The following KDM6A variants were observed in gnomAD, a reference collection of about 807,000 sequenced individuals.
The protein encoded by KDM6A is lysine demethylase 6A.
Under a neutral mutation model 117.6 loss-of-function variants are expected in KDM6A, and 11 were observed. The observed-to-expected ratio is 0.09, with a 90% CI of 0.06 to 0.15. The LOEUF is 0.15. Among genes scored for constraint, KDM6A ranks in the 10% least tolerant of loss-of-function variants. The probability of loss-of-function intolerance (pLI) is 1.00; values close to 1 mark genes in which losing one functional copy is unlikely to be tolerated. For missense variants in KDM6A, 799 were observed against 1,077.3 expected, an observed-to-expected ratio of 0.74 and a Z score of 3.62; for synonymous variants, 384 against 396.1, an observed-to-expected ratio of 0.97 and a Z score of 0.36.
chrX:45,012,732 A>G (rs1164217845), intron 5 of KDM6A, among the ~76,000 whole-genome samples: 1 of 111,460 alleles, frequency 9.0e-6, no homozygotes, highest in Non-Finnish European at 1.9e-5. Context: ...TTATACATGG[A>G]TGGTTTTTCC....
intron 1 of KDM6A, 32 bp downstream of exon 1, chrX:44,873,744 C>T (rs1601996137): frequency 2.6e-6 from 3 of 1,161,797 alleles, no homozygotes; most frequent in Non-Finnish European, 3.5e-6. Context: ...CCGGTCGGCT[C>T]CGGACGGGCA....
chrX:45,047,674 C>CTTTTTTTTTT (rs78749806), intron 8 of KDM6A, among the ~76,000 whole-genome samples: 1,222 of 36,337 alleles, frequency 0.034, 437 homozygotes, highest in Middle Eastern at 0.057. Context: ...CTTTTTTTTT[C>CTTTTTTTTTT]TTTTTTTTTT....
chrX:45,106,661 GAGCA>G, intron 27 of KDM6A: 1 of 338,595 alleles, frequency 3.0e-6, no homozygotes. Context: ...TAAGATAATT[GAGCA>G]AACAACTCCA....
At position 45,083,525 on chromosome X, in the gene KDM6A, A is replaced by G; in HGVS notation, c.3506A>G (p.Asn1169Ser). 1 of 1,208,983 alleles carries G rather than the reference A, an allele frequency of 8.3e-7. No homozygotes were observed. The highest frequency in any genetic ancestry group is 1.1e-6 in the Non-Finnish European group (1 of 893,048). The change falls in exon 24 of 30, where the codon AAT becomes AGT. Residue 1169 changes from asparagine to serine, a missense_variant. This residue lies in a region of KDM6A where 291 missense variants were observed against 437.9 expected (regional missense o/e 0.66). Coordinates refer to ENST00000611820, the MANE Select transcript of KDM6A (RefSeq NM_001291415.2). ...PAFVRVVSAGNLLSHVGHTIL... is the reference protein window; with the variant it reads ...PAFVRVVSAGSLLSHVGHTIL... ...TTTGTGCGTGTCGTATCAGCAGGAA[A>G]TCTTCTAAGCCATGTTGGTCATACC...
At chrX:45,076,380 G>A (rs1473047878) in intron 18 of KDM6A, among the ~76,000 whole-genome samples, 1 of 111,478 alleles carries the variant, frequency 9.0e-6, no homozygotes, top group Non-Finnish European at 1.9e-5. Context: ...TGTGATGGTA[G>A]AGAGGAAATT....
intron 3 of KDM6A, among the ~76,000 whole-genome samples, chrX:44,963,546 A>G (rs1201835288): frequency 3.1e-5 from 3 of 95,786 alleles, no homozygotes; most frequent in Non-Finnish European, 6.3e-5. Context: ...TCTTTTTTAA[A>G]GAAACTACTT....
At chrX:44,880,694 A>G (rs771607216) in intron 2 of KDM6A, among the ~76,000 whole-genome samples, 109 of 110,164 alleles carry the variant, frequency 9.9e-4, no homozygotes, top group African/African-American at 3.3e-3. Context: ...TGGGAGGCTG[A>G]GGCAGGAGAA....
chrX:45,063,830 C>T lies in KDM6A; in HGVS notation c.2079+13C>T, dbSNP rs1464293360. Reference sequence around the variant, plus strand: ...TAACTCCACTCAGGTAATAGGAGGACTAGCTTCCTTGTTGGCTTTTCACAT... The same window carrying T: ...TAACTCCACTCAGGTAATAGGAGGATTAGCTTCCTTGTTGGCTTTTCACAT... On this transcript the variant is annotated intron_variant, in intron 17 of 29. Transcript: ENST00000611820. 1 of 1,178,360 alleles carries T rather than the reference C, an allele frequency of 8.5e-7. No individual in the cohort carries two copies. The highest frequency in any genetic ancestry group is 1.1e-6 in the Non-Finnish European group (1 of 874,153).
intron 2 of KDM6A, among the ~76,000 whole-genome samples, chrX:44,942,259 T>C (rs927731201): frequency 1.8e-5 from 2 of 110,907 alleles, no homozygotes; most frequent in African/African-American, 6.6e-5. Flanking sequence ...GGTCTTGATC[T>C]CTTGACCTCG....
At chrX:44,997,279 G>T (rs773441908) in intron 4 of KDM6A, among the ~76,000 whole-genome samples, 1 of 112,229 alleles carries the variant, frequency 8.9e-6, no homozygotes, top group African/African-American at 3.2e-5. Context: ...TTATTGAGTG[G>T]AAAGTAGCTT....
At chrX:44,956,283 T>C (rs1395057898) in intron 2 of KDM6A, among the ~76,000 whole-genome samples, 1 of 112,307 alleles carries the variant, frequency 8.9e-6, no homozygotes, top group East Asian at 2.8e-4. Context: ...CTGATCAGAC[T>C]AGACCTTGGT....
chrX:45,072,866 AAT>A (rs35510523), intron 18 of KDM6A, among the ~76,000 whole-genome samples: 4,923 of 105,379 alleles, frequency 0.047, 314 homozygotes, highest in African/African-American at 0.16. Flanking sequence ...AAAATATAAT[AAT>A]ATATATATAT....
rs2030998052 is a variant in KDM6A at position 44,873,251 on chromosome X, AG to A, written c.-300del. On this transcript the variant is annotated 5_prime_UTR_variant, in exon 1 of 30. Transcript: ENST00000611820. ...CCAACGAATCCCCTCAGTGCTCCCCAGCCCCGCGCGCTCCGGCCGTTCCCGC... is the reference window on the plus strand; with the variant it reads ...CCAACGAATCCCCTCAGTGCTCCCCACCCCGCGCGCTCCGGCCGTTCCCGC... 1 of 333,907 alleles carries A rather than the reference AG, an allele frequency of 3.0e-6. No individual in the cohort carries two copies. The highest frequency in any genetic ancestry group is 5.1e-6 in the Non-Finnish European group (1 of 194,770). The allele number at this position is 333,907 out of a possible 1,213,427, so 27.5% of individuals were successfully genotyped here.
chrX:44,912,912 A>G (rs1381352047), intron 2 of KDM6A, among the ~76,000 whole-genome samples: 2 of 112,560 alleles, frequency 1.8e-5, no homozygotes, highest in African/African-American at 6.5e-5. Flanking sequence ...ACCATGTGTT[A>G]TACTCAAAGT....
At chrX:45,010,462 A>G (rs968513471) in intron 4 of KDM6A, among the ~76,000 whole-genome samples, 3 of 112,035 alleles carry the variant, frequency 2.7e-5, no homozygotes, top group African/African-American at 6.5e-5. Flanking sequence ...AAAGGAGTCA[A>G]TGATATTTAA....
chrX:45,040,955 C>T (rs2043132065), intron 8 of KDM6A, among the ~76,000 whole-genome samples: 1 of 67,655 alleles, frequency 1.5e-5, no homozygotes, highest in Non-Finnish European at 2.9e-5. Flanking sequence ...CGGGCAGAGG[C>T]GCCCCTCACC....
At chrX:45,026,416 T>G (rs926137657) in intron 6 of KDM6A, among the ~76,000 whole-genome samples, 14 of 112,182 alleles carry the variant, frequency 1.2e-4, no homozygotes, top group Admixed American at 1.0e-3. Context: ...AAGGAATACA[T>G]GAAGACATGA....
At chrX:45,010,816 T>C in intron 4 of KDM6A, 145 bp from the exon 5 acceptor site, 1 of 447,795 alleles carries the variant, frequency 2.2e-6, no homozygotes, top group Middle Eastern at 6.2e-4. Context: ...CTGATCACTG[T>C]TATTTTGGTG....
At chrX:44,896,713 T>C (rs2146649677) in intron 2 of KDM6A, among the ~76,000 whole-genome samples, 1 of 109,364 alleles carries the variant, frequency 9.1e-6, no homozygotes, top group African/African-American at 3.3e-5. Flanking sequence ...TGAGACTGTC[T>C]TATTTGCCTT....
Sources: gnomAD v4.1 joint callset for allele counts (sites outside exome capture counted in the v4.1 genomes callset) on GRCh38, gnomAD v4.1.1 for gene constraint, gnomAD v4.1.1 regional missense constraint, MANE v1.5 for transcripts, NCBI Gene and HGNC (gene_info 2026-07-23, HGNC 2026-07-21) for gene names.